HAO2: variants seen among roughly 807,000 people sequenced by gnomAD.
HAO2 encodes hydroxyacid oxidase 2.
In HAO2, 42 loss-of-function variants were observed where a neutral mutation model predicts 37.4. That is an observed-to-expected ratio of 1.12 (90% CI 0.88 to 1.45). The LOEUF (loss-of-function observed/expected upper bound fraction) is 1.45, where lower values mean the gene tolerates loss of function less well. Among genes scored for constraint, HAO2 ranks in the 40% most tolerant of loss-of-function variants. HAO2 has a pLI of 0.00. For synonymous variants in HAO2, 180 were observed against 162.8 expected (o/e 1.11, Z -0.81); for missense variants, 476 against 430.2 (o/e 1.11, Z -0.94).
Position 119,381,135 on chromosome 1 carries a change from T to G in HAO2, c.50T>G (p.Leu17Arg). The stretch of plus-strand genomic sequence containing the variant: ...TTTCAGGCCCATGCGCGAGAGCAGC[T>G]GTCTAAGTCAACTCGGGATTTTATT... ...TDFQAHAREQ[L>R]SKSTRDFIEG... Residue 17 changes from leucine to arginine, a missense_variant, in exon 2 of 8, where the codon CTG (leucine) becomes CGG (arginine). By Grantham distance (102) the Leu-to-Arg change is moderately radical. Transcript: ENST00000325945. 2 of 1,610,130 alleles carry G rather than the reference T, an allele frequency of 1.2e-6. No homozygotes were observed. The highest frequency in any genetic ancestry group is 1.7e-6 in the Non-Finnish European group (2 of 1,176,318).
chr1:119,375,423 T>G (rs1465635253), intron 1 of HAO2, among the ~76,000 whole-genome samples: 3 of 152,014 alleles, frequency 2.0e-5, no homozygotes, highest in Non-Finnish European at 2.9e-5. Flanking sequence ...AAGATTTACA[T>G]ATATTATATT....
chr1:119,385,585 A>T, intron 4 of HAO2: 1 of 983,600 alleles, frequency 1.0e-6, no homozygotes, highest in Non-Finnish European at 1.2e-6. Context: ...GAGCACCAGG[A>T]TGCTATAGCA....
chr1:119,385,089 C>A, intron 4 of HAO2, 36 bp downstream of exon 4: 1 of 1,588,404 alleles, frequency 6.3e-7, no homozygotes, highest in Non-Finnish European at 8.6e-7. Context: ...ACAGGCATTA[C>A]AAGAGGCAAA....
Position 119,386,712 on chromosome 1 carries a change from C to A in HAO2, c.652C>A (p.Pro218Thr). The A allele has an allele frequency of 6.2e-7, 1 of 1,612,268 alleles. No homozygotes were observed. Among genetic ancestry groups the A allele is most frequent in the Non-Finnish European group, 8.5e-7 (1 of 1,178,392 alleles). ...LSWFQSITRL[P>T]IILKGILTKE... ...CTGGTTTCAGAGCATAACTCGATTG[C>A]CCATCATCCTGAAAGGGATTTTGAC... is the stretch of plus-strand genomic sequence containing the variant. Residue 218 changes from proline to threonine, a missense_variant, in exon 5 of 8, where the codon CCC becomes ACC. Coordinates refer to ENST00000325945, the MANE Select transcript of HAO2 (RefSeq NM_016527.4).
chr1:119,371,689 G>C (rs1417969469), intron 1 of HAO2, among the ~76,000 whole-genome samples: 1 of 152,136 alleles, frequency 6.6e-6, no homozygotes, highest in Non-Finnish European at 1.5e-5. Context: ...CCGTGAAATG[G>C]GGATGATAAT....
Position 119,392,628 on chromosome 1 carries a change from G to T in HAO2, c.941G>T (p.Gly314Val). The T allele has an allele frequency of 6.2e-7, 1 of 1,606,636 alleles. No individual in the cohort carries two copies. The highest frequency in any genetic ancestry group is 8.5e-7 in the Non-Finnish European group (1 of 1,173,314). Reference sequence around the variant, plus strand: ...CTGCCTCGGGAGCAGGGTGAACATGGTGTTAAGGAAGTTTTGAACATTTTA... The same window carrying T: ...CTGCCTCGGGAGCAGGGTGAACATGTTGTTAAGGAAGTTTTGAACATTTTA... ...LWGLACKGEH[G>V]VKEVLNILTN... Residue 314 changes from glycine (G) to valine (V), a missense_variant, in exon 7 of 8, where the codon GGT becomes GTT. Physicochemically the swap from Gly to Val is moderately radical, Grantham distance 109. Transcript: ENST00000325945.
chr1:119,393,639 C>G, intron 7 of HAO2, 146 bp from the exon 8 acceptor site: 2 of 728,074 alleles, frequency 2.7e-6, no homozygotes, highest in Admixed American at 3.7e-5. Flanking sequence ...AACAGAATTA[C>G]GTTATTCATT....
chr1:119,379,351 A>C (rs1284269727), intron 1 of HAO2, among the ~76,000 whole-genome samples: 4 of 152,186 alleles, frequency 2.6e-5, no homozygotes, highest in Non-Finnish European at 4.4e-5. Flanking sequence ...CACTCTTATC[A>C]GGGAACACTG....
chr1:119,383,657 A>G (rs147944580), intron 3 of HAO2, among the ~76,000 whole-genome samples: 3 of 150,230 alleles, frequency 2.0e-5, no homozygotes, highest in South Asian at 2.1e-4. Flanking sequence ...CACCACCACC[A>G]CCGCCAATAA....
intron 1 of HAO2, among the ~76,000 whole-genome samples, chr1:119,378,541 G>A (rs1356170430): frequency 6.6e-6 from 1 of 152,138 alleles, no homozygotes; most frequent in Non-Finnish European, 1.5e-5. Flanking sequence ...GCTGTAGATA[G>A]AAAAGAGTCT....
At chr1:119,380,616 T>C in intron 1 of HAO2, 1 of 990,376 alleles carries the variant, frequency 1.0e-6, no homozygotes, top group Non-Finnish European at 1.6e-6. Flanking sequence ...AAGCTGGGAA[T>C]GCCATGACGT....
chr1:119,380,223 A>G (rs1490677468), intron 1 of HAO2, among the ~76,000 whole-genome samples: 1 of 151,972 alleles, frequency 6.6e-6, no homozygotes, highest in East Asian at 1.9e-4. Flanking sequence ...CCCTGTTTCT[A>G]CTGGAGAGAT....
intron 5 of HAO2, among the ~76,000 whole-genome samples, chr1:119,390,547 C>A (rs952864212): frequency 1.3e-5 from 2 of 152,234 alleles, no homozygotes; most frequent in South Asian, 4.1e-4. Flanking sequence ...CTGTGCCCAG[C>A]TGGAATATTT....
At position 119,386,785 on chromosome 1, in the gene HAO2, T is replaced by C. The variant is rs749068763; in HGVS notation, c.725T>C (p.Ile242Thr). Residue 242 changes from isoleucine to threonine, a missense_variant, in exon 5 of 8, where the codon ATT (isoleucine) becomes ACT (threonine). Transcript: ENST00000325945. ...LAVKHNVQGI[I>T]VSNHGGRQLD... Reference sequence around the variant, plus strand: ...GTGAAGCACAATGTCCAGGGTATCATTGTTTCCAACCATGGTGGGAGGCAG... The same window carrying C: ...GTGAAGCACAATGTCCAGGGTATCACTGTTTCCAACCATGGTGGGAGGCAG... 6.2e-7 allele frequency: 1 copy of C among 1,613,878 alleles called. No individual in the cohort carries two copies. Among genetic ancestry groups the C allele is most frequent in the South Asian group, 1.1e-5 (1 of 91,078 alleles).
intron 1 of HAO2, among the ~76,000 whole-genome samples, chr1:119,369,277 G>A (rs587622175): frequency 5.3e-5 from 8 of 152,158 alleles, no homozygotes; most frequent in South Asian, 2.1e-4. Context: ...ACTGCTTCCC[G>A]GCCACAAGCA....
Position 119,394,083 on chromosome 1 carries a change from T to TTTTGTCAAACACAAGCAACTCA in HAO2, c.*243_*244insTTTGTCAAACACAAGCAACTCA. ...ATATGTTGCTCTCTTGCCTAAATCTTCCTCTGAAGTAAAAGATCTCAAAAG... is the reference window on the plus strand; with the variant it reads ...ATATGTTGCTCTCTTGCCTAAATCTTTTTGTCAAACACAAGCAACTCACCTCTGAAGTAAAAGATCTCAAAAG... On this transcript the variant is annotated 3_prime_UTR_variant, in exon 8 of 8. Transcript: ENST00000325945. 7.7e-7 allele frequency: 1 copy of TTTTGTCAAACACAAGCAACTCA among 1,292,524 alleles called. No individual in the cohort carries two copies. 80.1% of individuals were successfully genotyped at this position (1,292,524 alleles called of 1,614,324 possible).
intron 4 of HAO2, chr1:119,386,065 C>G (rs1329275461): frequency 5.9e-6 from 1 of 168,740 alleles, no homozygotes; most frequent in African/African-American, 2.4e-5. Flanking sequence ...GTCCCCAGAT[C>G]CTAGCACAAT....
In HAO2 at chr1:119,392,672, T is replaced by C. The variant is rs1181322573; in HGVS notation, c.985T>C (p.Ser329Pro). ...CATTTTAACAAATGAGTTCCACACT[T>C]CCATGGCCCTTACAGGTAAGTTAAC... ...LNILTNEFHT[S>P]MALTGCRSVA... is the part of the protein sequence containing the mutation. The change falls in exon 7 of 8, where the codon TCC becomes CCC. Residue 329 changes from serine (S) to proline (P), a missense_variant. Transcript: ENST00000325945. 6.3e-7 allele frequency: 1 copy of C among 1,599,554 alleles called. No individual in the cohort carries two copies. The highest frequency in any genetic ancestry group is 1.1e-5 in the South Asian group (1 of 90,744).
chr1:119,382,173 T>A (rs1477449385), intron 2 of HAO2, among the ~76,000 whole-genome samples: 1 of 152,190 alleles, frequency 6.6e-6, no homozygotes, highest in Non-Finnish European at 1.5e-5. Flanking sequence ...ATTAGGAAAT[T>A]TGGATTATTA....
Sources: allele counts gnomAD v4.1 joint callset (sites outside exome capture counted in the v4.1 genomes callset), GRCh38; gene constraint gnomAD v4.1.1; transcripts MANE v1.5; gene names NCBI Gene and HGNC (gene_info 2026-07-23, HGNC 2026-07-21).